CHRM2: variants seen among roughly 807,000 people sequenced by gnomAD.
The protein encoded by CHRM2 is cholinergic receptor muscarinic 2, also known as muscarinic acetylcholine receptor M2.
A neutral mutation model predicts 25.0 loss-of-function variants in CHRM2; 8 were observed. That is an observed-to-expected ratio of 0.32 (90% CI 0.19 to 0.58). CHRM2 has a LOEUF of 0.58. Among genes scored for constraint, CHRM2 ranks in the 20% least tolerant of loss-of-function variants. CHRM2 has a pLI of 0.88. For missense variants in CHRM2, 440 were observed against 567.1 expected, an observed-to-expected ratio of 0.78 and a Z score of 2.28; for synonymous variants, 202 against 205.7, an observed-to-expected ratio of 0.98 and a Z score of 0.15.
At chr7:136,939,553 T>C (rs566057903) in intron 2 of CHRM2, among the ~76,000 whole-genome samples, 1 of 152,376 alleles carries the variant, frequency 6.6e-6, no homozygotes, top group South Asian at 2.1e-4. Context: ...TCTATGTATA[T>C]GTTATTACTT....
intron 2 of CHRM2, chr7:136,898,727 T>C (rs978651401): frequency 2.6e-5 from 4 of 152,054 alleles, no homozygotes; most frequent in African/African-American, 9.7e-5. Context: ...CTGAGTGAAG[T>C]TGATCACGAA....
At chr7:136,972,305 T>A (rs1314670729) in intron 2 of CHRM2, among the ~76,000 whole-genome samples, 1 of 152,224 alleles carries the variant, frequency 6.6e-6, no homozygotes, top group Non-Finnish European at 1.5e-5. Flanking sequence ...TTCTGGTATC[T>A]CTGTTCATTT....
At chr7:136,942,769 T>C (rs1231216903) in intron 2 of CHRM2, among the ~76,000 whole-genome samples, 1 of 152,168 alleles carries the variant, frequency 6.6e-6, no homozygotes, top group Non-Finnish European at 1.5e-5. Flanking sequence ...CTTTGATTTT[T>C]CCCTTGCTTT....
At chr7:136,872,100 TG>T (rs1795863249) in intron 2 of CHRM2, 1 of 151,876 alleles carries the variant, frequency 6.6e-6, no homozygotes, top group South Asian at 2.1e-4. Context: ...GTGAATGAGG[TG>T]GGGTGGGAAT....
At chr7:136,907,346 C>G (rs903116664) in intron 2 of CHRM2, among the ~76,000 whole-genome samples, 8 of 151,868 alleles carry the variant, frequency 5.3e-5, no homozygotes, top group African/African-American at 1.7e-4. Context: ...AGTGAAGGCA[C>G]GAACAACAGT....
chr7:136,988,031 TAGA>T (rs1172240238), intron 2 of CHRM2, among the ~76,000 whole-genome samples: 1 of 150,918 alleles, frequency 6.6e-6, no homozygotes, highest in Non-Finnish European at 1.5e-5. Context: ...CTAAAAACAG[TAGA>T]ATTTTATGTA....
chr7:136,956,024 C>A (rs1800702889), intron 2 of CHRM2, among the ~76,000 whole-genome samples: 1 of 152,096 alleles, frequency 6.6e-6, no homozygotes, highest in Admixed American at 6.5e-5. Flanking sequence ...CATCCTTATA[C>A]TACTCCCAGA....
At chr7:136,968,394 G>A (rs984267454) in intron 2 of CHRM2, among the ~76,000 whole-genome samples, 4 of 143,852 alleles carry the variant, frequency 2.8e-5, no homozygotes, top group East Asian at 2.1e-4. Flanking sequence ...TGCTGAGGGT[G>A]TAGAACAAAG....
intron 3 of CHRM2, among the ~76,000 whole-genome samples, chr7:137,014,028 T>A (rs1805003761): frequency 6.6e-6 from 1 of 152,042 alleles, no homozygotes; most frequent in Non-Finnish European, 1.5e-5. Context: ...TCTCCCATAA[T>A]TTTGTCTTCT....
intron 2 of CHRM2, among the ~76,000 whole-genome samples, chr7:136,980,995 T>G (rs896097720): frequency 6.6e-6 from 1 of 152,194 alleles, no homozygotes; most frequent in Non-Finnish European, 1.5e-5. Flanking sequence ...TAATATAGTT[T>G]GGAATAGTTT....
In CHRM2 at chr7:136,869,284, A is replaced by G. The variant is rs1795718094; in HGVS notation, c.-259A>G. On this transcript the variant is annotated 5_prime_UTR_variant, in exon 2 of 4. Transcript: ENST00000680005. The surrounding 1 kb of genome is among the most constrained non-coding windows in gnomAD (Gnocchi z 4.9). The stretch of plus-strand genomic sequence containing the variant: ...AGATCAAGGGAGAAAGAGAACCGGC[A>G]GCTGGCCTCGGACTCTAAGCGGTGC... 1 of 152,444 alleles carries G rather than the reference A, an allele frequency of 6.6e-6. No individual in the cohort carries two copies. Among genetic ancestry groups the G allele is most frequent in the Non-Finnish European group, 1.5e-5 (1 of 68,262 alleles). The allele number at this position is 152,444 out of a possible 1,614,324, so 9.4% of individuals were successfully genotyped here.
intron 2 of CHRM2, among the ~76,000 whole-genome samples, chr7:136,959,181 C>A (rs1800911929): frequency 6.6e-6 from 1 of 152,168 alleles, no homozygotes; most frequent in Admixed American, 6.5e-5. Flanking sequence ...TAGATACATC[C>A]TTCAATTAAA....
intron 3 of CHRM2, among the ~76,000 whole-genome samples, chr7:137,002,127 T>A (rs1257089796): frequency 1.3e-5 from 2 of 152,118 alleles, no homozygotes; most frequent in African/African-American, 4.8e-5. Flanking sequence ...TGCTTTCTGG[T>A]TTTTTGTTTT....
At chr7:136,988,644 A>G (rs896697482) in intron 2 of CHRM2, among the ~76,000 whole-genome samples, 3 of 152,138 alleles carry the variant, frequency 2.0e-5, no homozygotes, top group Non-Finnish European at 2.9e-5. Context: ...CAACAAATAG[A>G]GTAGACAAAT....
At chr7:136,889,993 CT>C (rs1305662867) in intron 2 of CHRM2, among the ~76,000 whole-genome samples, 2 of 152,298 alleles carry the variant, frequency 1.3e-5, no homozygotes, top group African/African-American at 4.8e-5. Flanking sequence ...TATAGCACAC[CT>C]TACCACATTC....
Position 137,016,561 on chromosome 7 carries a change from T to A in CHRM2, c.*295T>A, listed in dbSNP as rs8191992. On this transcript the variant is annotated 3_prime_UTR_variant, in exon 4 of 4. Coordinates refer to ENST00000680005, the MANE Select transcript of CHRM2 (RefSeq NM_001006630.2). ...TAATCTCTTGAAGAAGGGCTTCTGA[T>A]TCTACAATTTTATCAGTCTCTGCAC... is the stretch of plus-strand genomic sequence containing the variant. The A allele has an allele frequency of 0.52, 190,592 of 366,260 alleles. 54,594 individuals carry two copies. The highest frequency in any genetic ancestry group is 0.78 in the African/African-American group (37,462 of 47,952). 22.7% of individuals were successfully genotyped at this position (366,260 alleles called of 1,614,324 possible).
At chr7:136,875,433 TG>T (rs1796015924) in intron 2 of CHRM2, among the ~76,000 whole-genome samples, 1 of 152,174 alleles carries the variant, frequency 6.6e-6, no homozygotes, top group Non-Finnish European at 1.5e-5. Context: ...TGCTGCCCTC[TG>T]ATCAGACCCC....
chr7:136,987,357 G>A (rs1802927567), intron 2 of CHRM2, among the ~76,000 whole-genome samples: 3 of 152,138 alleles, frequency 2.0e-5, no homozygotes, highest in Admixed American at 1.3e-4. Context: ...TCCACATGTG[G>A]GGACTGCCCT....
intron 2 of CHRM2, among the ~76,000 whole-genome samples, chr7:136,948,568 G>A (rs915132914): frequency 2.6e-5 from 4 of 152,184 alleles, no homozygotes; most frequent in East Asian, 1.9e-4. Context: ...AGAGTATCAT[G>A]AGTCCAGAGC....
Sources: allele counts gnomAD v4.1 joint callset (sites outside exome capture counted in the v4.1 genomes callset), GRCh38; gene constraint gnomAD v4.1.1; non-coding constraint Gnocchi (gnomAD v3.1); transcripts MANE v1.5; gene names NCBI Gene and HGNC (gene_info 2026-07-23, HGNC 2026-07-21).